DPPA2: variants seen among roughly 807,000 people sequenced by gnomAD.
The protein encoded by DPPA2 is developmental pluripotency-associated protein 2.
A neutral mutation model predicts 36.2 loss-of-function variants in DPPA2; 26 were observed. That is an observed-to-expected ratio of 0.72 (90% CI 0.53 to 1.00). DPPA2 has a LOEUF of 1.00. Among genes scored for constraint, DPPA2 ranks in the 50% least tolerant of loss-of-function variants. The pLI, the probability that DPPA2 is intolerant of heterozygous loss-of-function variation, is 0.00. For missense variants in DPPA2, 361 were observed against 365.1 expected (o/e 0.99, Z 0.09); for synonymous variants, 113 against 123.2 (o/e 0.92, Z 0.55).
intron 8 of DPPA2, among the ~76,000 whole-genome samples, chr3:109,299,107 C>T (rs1707410463): frequency 6.6e-6 from 1 of 151,888 alleles, no homozygotes; most frequent in Non-Finnish European, 1.5e-5. Context: ...CGCCTGTAAT[C>T]CTAGCACTGG....
intron 8 of DPPA2, among the ~76,000 whole-genome samples, chr3:109,296,988 G>A (rs920572007): frequency 1.3e-4 from 20 of 152,154 alleles, no homozygotes; most frequent in Non-Finnish European, 2.5e-4. Context: ...AGGATACTGA[G>A]GTGGGAGAAT....
chr3:109,299,204 C>CA lies in DPPA2; in HGVS notation c.*22+1166dup, dbSNP rs35767226. Reference sequence around the variant, plus strand: ...GAAACCCCGACTCTACTAAACATACCAAAAAAAAAAAAAAAAATTGACTGG... The same window carrying CA: ...GAAACCCCGACTCTACTAAACATACCAAAAAAAAAAAAAAAAAATTGACTGG... On this transcript the variant is annotated intron_variant, in intron 8 of 8. Coordinates refer to ENST00000478945, the MANE Select transcript of DPPA2 (RefSeq NM_138815.4). Among the ~76,000 whole-genome samples, 242 of 131,204 alleles carry CA rather than the reference C, an allele frequency of 1.8e-3. 1 individual carries two copies. The highest frequency in any genetic ancestry group is 0.013 in the South Asian group (51 of 3,976). 86.1% of individuals were successfully genotyped at this position (131,204 alleles called of 152,430 possible). A position where few individuals can be genotyped will look rare whatever the true frequency, so the allele number is the denominator to read the frequency against.
At chr3:109,298,880 C>A (rs1707406774) in intron 8 of DPPA2, among the ~76,000 whole-genome samples, 1 of 151,370 alleles carries the variant, frequency 6.6e-6, no homozygotes, top group East Asian at 2.0e-4. Flanking sequence ...CCGTCCTCTA[C>A]CAAAAATTAA....
At chr3:109,294,305 A>G (rs1184047819) in intron 8 of DPPA2, among the ~76,000 whole-genome samples, 1 of 152,152 alleles carries the variant, frequency 6.6e-6, no homozygotes, top group Non-Finnish European at 1.5e-5. Flanking sequence ...TTTATACTAG[A>G]AGACCATTGA....
Position 109,308,014 on chromosome 3 carries a change from C to T in DPPA2, c.658+18G>A. Reference sequence around the variant, plus strand: ...CTTGTCCTCTGGAGTGGGACTCACACTTTAAGGTTGATCTTACCAGAGGCT... The same window carrying T: ...CTTGTCCTCTGGAGTGGGACTCACATTTTAAGGTTGATCTTACCAGAGGCT... On this transcript the variant is annotated intron_variant, in intron 6 of 8. Coordinates refer to ENST00000478945, the MANE Select transcript of DPPA2 (RefSeq NM_138815.4). 1.2e-6 allele frequency: 2 copies of T among 1,611,940 alleles called. No homozygotes were observed. Among genetic ancestry groups the T allele is most frequent in the Non-Finnish European group, 1.7e-6 (2 of 1,178,374 alleles).
intron 8 of DPPA2, among the ~76,000 whole-genome samples, chr3:109,296,589 T>C (rs1400882643): frequency 1.3e-5 from 2 of 151,968 alleles, no homozygotes; most frequent in African/African-American, 2.4e-5. Context: ...ACAGGAGAAT[T>C]GTTTGAACCC....
At chr3:109,300,480 G>C in intron 7 of DPPA2, 45 bp from the exon 8 acceptor site, 1 of 1,577,146 alleles carries the variant, frequency 6.3e-7, no homozygotes, top group South Asian at 1.1e-5. Flanking sequence ...GCTACAGCAA[G>C]GTAAACCATC....
chr3:109,305,496 T>C (rs1350766547), intron 6 of DPPA2, among the ~76,000 whole-genome samples: 1 of 152,010 alleles, frequency 6.6e-6, no homozygotes, highest in Non-Finnish European at 1.5e-5. Flanking sequence ...AGGAACAGGC[T>C]GGGCGTGGTG....
chr3:109,300,559 C>A (rs764572643), intron 7 of DPPA2, 124 bp from the exon 8 acceptor site: 3 of 901,596 alleles, frequency 3.3e-6, no homozygotes, highest in Non-Finnish European at 5.4e-6. Flanking sequence ...TGGTGGCTCA[C>A]GCCTGTAATC....
intron 8 of DPPA2, among the ~76,000 whole-genome samples, chr3:109,299,076 G>T (rs930021100): frequency 6.8e-6 from 1 of 147,720 alleles, no homozygotes; most frequent in East Asian, 2.1e-4. Flanking sequence ...GAAAGAAAAA[G>T]AGGCCGGGCA....
Position 109,300,428 on chromosome 3 carries a change from T to G in DPPA2, c.862A>C (p.Lys288Gln). 6.2e-7 allele frequency: 1 copy of G among 1,614,038 alleles called. No individual in the cohort carries two copies. Among genetic ancestry groups the G allele is most frequent in the Admixed American group, 1.7e-5 (1 of 60,022 alleles). Residue 288 changes from lysine to glutamine, a missense_variant, in exon 8 of 9, where the codon AAG becomes CAG. Coordinates refer to ENST00000478945, the MANE Select transcript of DPPA2 (RefSeq NM_138815.4). ...LCPDCAKRNK[K>Q]MMKRLMTVEK is the part of the protein sequence containing the mutation. Reference sequence around the variant, plus strand: ...ACTGTCATTAATCTTTTCATCATCTTCTTATTCCTGTAAGGCAAGTAGAAA... The same window carrying G: ...ACTGTCATTAATCTTTTCATCATCTGCTTATTCCTGTAAGGCAAGTAGAAA...
At chr3:109,304,731 C>T in intron 6 of DPPA2, 61 bp from the exon 7 acceptor site, 1 of 1,490,558 alleles carries the variant, frequency 6.7e-7, no homozygotes, top group Non-Finnish European at 9.0e-7. Context: ...CACAACCTCT[C>T]AGCAAGTCAC....
At chr3:109,298,726 T>TAATAAA (rs1707403944) in intron 8 of DPPA2, among the ~76,000 whole-genome samples, 1 of 144,974 alleles carries the variant, frequency 6.9e-6, no homozygotes, top group Non-Finnish European at 1.5e-5. Context: ...AAAATAATAA[T>TAATAAA]AATAATAATA....
intron 6 of DPPA2, among the ~76,000 whole-genome samples, chr3:109,306,220 G>A (rs1421301561): frequency 6.6e-6 from 1 of 152,174 alleles, no homozygotes; most frequent in African/African-American, 2.4e-5. Flanking sequence ...ATTGCAGAAT[G>A]AAGAGAAATA....
chr3:109,312,497 T>C, intron 3 of DPPA2, 48 bp downstream of exon 3: 2 of 1,563,516 alleles, frequency 1.3e-6, no homozygotes, highest in Non-Finnish European at 1.7e-6. Flanking sequence ...TTTCCTGGGC[T>C]TCCCAGAGTT....
At chr3:109,301,016 C>G (rs1707448825) in intron 7 of DPPA2, among the ~76,000 whole-genome samples, 1 of 148,478 alleles carries the variant, frequency 6.7e-6, no homozygotes, top group African/African-American at 2.5e-5. Flanking sequence ...CAGGTTCTCA[C>G]TCTGCTGCCC....
intron 6 of DPPA2, among the ~76,000 whole-genome samples, chr3:109,305,573 G>A (rs1007469865): frequency 6.6e-6 from 1 of 151,984 alleles, no homozygotes; most frequent in Non-Finnish European, 1.5e-5. Flanking sequence ...TCAGGAGTTC[G>A]AGACCAGCCT....
chr3:109,294,569 C>T (rs531541093), intron 8 of DPPA2, among the ~76,000 whole-genome samples: 1 of 152,162 alleles, frequency 6.6e-6, no homozygotes, highest in Non-Finnish European at 1.5e-5. Context: ...TTCTCAAGCT[C>T]GCAGAGTTCT....
At chr3:109,308,366 TTC>T (rs1311364881) in intron 5 of DPPA2, 73 bp from the exon 6 acceptor site, 12 of 1,503,032 alleles carry the variant, frequency 8.0e-6, no homozygotes, top group Non-Finnish European at 9.7e-6. Context: ...AATTTTATTA[TTC>T]TTTTTTTTTT....
Sources: gnomAD v4.1 joint callset for allele counts (sites outside exome capture counted in the v4.1 genomes callset) on GRCh38, gnomAD v4.1.1 for gene constraint, MANE v1.5 for transcripts, NCBI Gene and HGNC (gene_info 2026-07-23, HGNC 2026-07-21) for gene names.